RHBDD1: variants seen among roughly 807,000 people sequenced by gnomAD.
RHBDD1 encodes the protein rhomboid-related protein 4.
RHBDD1 carries 38 observed loss-of-function variants against 36.3 expected under a neutral mutation model. The ratio of observed to expected loss-of-function variants is 1.05; its 90% confidence interval spans 0.81 to 1.37. The LOEUF (loss-of-function observed/expected upper bound fraction) is 1.37. Among genes scored for constraint, RHBDD1 ranks in the 40% most tolerant of loss-of-function variants. The pLI is 0.00. For missense variants in RHBDD1, 393 were observed against 377.6 expected (o/e 1.04, Z -0.34); for synonymous variants, 151 against 136.5 (o/e 1.11, Z -0.74).
chr2:226,897,727 T>C (rs1236452668), intron 5 of RHBDD1, among the ~76,000 whole-genome samples: 2 of 152,084 alleles, frequency 1.3e-5, no homozygotes, highest in Non-Finnish European at 2.9e-5. Context: ...ATCCCAGCGC[T>C]TTGGGAGGCC....
At chr2:226,839,941 G>T (rs902548996) in intron 3 of RHBDD1, among the ~76,000 whole-genome samples, 5 of 152,070 alleles carry the variant, frequency 3.3e-5, no homozygotes, top group African/African-American at 1.2e-4. Context: ...TGTGTTTATA[G>T]CCCTATCATT....
chr2:226,838,861 G>C lies in RHBDD1; in HGVS notation c.-309-548G>C, dbSNP rs1292382327. On this transcript the variant is annotated intron_variant, in intron 2 of 8. Transcript: ENST00000392062. Reference sequence around the variant, plus strand: ...TATCACTGTAACAGAGCAACTTGTAGAAATTGTTTTGGATGTTTACAGCAA... The same window carrying C: ...TATCACTGTAACAGAGCAACTTGTACAAATTGTTTTGGATGTTTACAGCAA... Among the ~76,000 whole-genome samples the C allele has an allele frequency of 2.0e-5, 3 of 152,148 alleles. No individual in the cohort carries two copies. The East Asian group carries it at 5.8e-4, about 29-fold the overall frequency.
chr2:226,982,804 G>A (rs537790023), intron 8 of RHBDD1, among the ~76,000 whole-genome samples: 2 of 152,262 alleles, frequency 1.3e-5, no homozygotes, highest in East Asian at 3.9e-4. Context: ...TATGTACCAG[G>A]CACCAGGGAT....
intron 8 of RHBDD1, among the ~76,000 whole-genome samples, chr2:226,946,756 C>G (rs1163216191): frequency 2.0e-5 from 3 of 152,126 alleles, no homozygotes; most frequent in Admixed American, 6.6e-5. Flanking sequence ...GGATAAATTC[C>G]TGGACACAGG....
In RHBDD1 at chr2:226,996,895, CAG is replaced by C. The variant is rs780303625; in HGVS notation, c.*1375_*1376del. 2.0e-5 allele frequency: 3 copies of C among 152,094 alleles called. No homozygotes were observed. Among genetic ancestry groups the C allele is most frequent in the Admixed American group, 6.6e-5 (1 of 15,258 alleles). 9.4% of individuals were successfully genotyped at this position (152,094 alleles called of 1,614,324 possible). On this transcript the variant is annotated 3_prime_UTR_variant, in exon 9 of 9. Transcript: ENST00000392062. ...CCATTGAGAAAATTCACAATATAAACAGAAATACAAATAAATACATACACAAT... is the reference window on the plus strand; with the variant it reads ...CCATTGAGAAAATTCACAATATAAACAAATACAAATAAATACATACACAAT...
intron 3 of RHBDD1, among the ~76,000 whole-genome samples, chr2:226,850,064 T>A (rs1466413667): frequency 1.3e-5 from 2 of 152,204 alleles, no homozygotes; most frequent in African/African-American, 4.8e-5. Context: ...TGCACAATAA[T>A]AATATCAACA....
At position 226,864,793 on chromosome 2, in the gene RHBDD1, A is replaced by C. The variant is rs201451974; in HGVS notation, c.100A>C (p.Thr34Pro). Residue 34 changes from threonine (T) to proline (P), a missense_variant, in exon 4 of 9, where the codon ACT becomes CCT. By Grantham distance (38) the Thr-to-Pro change is conservative (BLOSUM62 -1). Coordinates refer to ENST00000392062, the MANE Select transcript of RHBDD1 (RefSeq NM_001167608.3). Reference protein sequence around the residue: ...INNIPPVTLATLALNIWFFLN... With the variant: ...INNIPPVTLAPLALNIWFFLN... ...CAATATTCCACCTGTCACCCTAGCA[A>C]CTTTGGCCCTCAACATCTGGTTCTT... 2 of 1,614,180 alleles carry C rather than the reference A, an allele frequency of 1.2e-6. No individual in the cohort carries two copies. Among genetic ancestry groups the C allele is most frequent in the African/African-American group, 1.3e-5 (1 of 75,030 alleles).
At chr2:226,967,004 G>A (rs1952688723) in intron 8 of RHBDD1, among the ~76,000 whole-genome samples, 1 of 152,044 alleles carries the variant, frequency 6.6e-6, no homozygotes, top group South Asian at 2.1e-4. Context: ...CCATTGCTGG[G>A]TCCCACTCTC....
At chr2:226,850,666 T>C (rs867560991) in intron 3 of RHBDD1, among the ~76,000 whole-genome samples, 2 of 152,272 alleles carry the variant, frequency 1.3e-5, no homozygotes, top group Middle Eastern at 6.8e-3. Context: ...TTCCAGAAGT[T>C]CTAATCCATA....
intron 5 of RHBDD1, among the ~76,000 whole-genome samples, chr2:226,899,323 A>G (rs1401492153): frequency 6.6e-6 from 1 of 152,226 alleles, no homozygotes; most frequent in African/African-American, 2.4e-5. Context: ...TTGCCTTTCT[A>G]CTATCACTAT....
At chr2:226,954,352 C>G (rs999960000) in intron 8 of RHBDD1, among the ~76,000 whole-genome samples, 1 of 151,942 alleles carries the variant, frequency 6.6e-6, no homozygotes, top group Non-Finnish European at 1.5e-5. Flanking sequence ...TGTGGAGTAC[C>G]TACTATGATC....
At chr2:226,866,311 T>C (rs1944335087) in intron 4 of RHBDD1, among the ~76,000 whole-genome samples, 1 of 152,198 alleles carries the variant, frequency 6.6e-6, no homozygotes, top group Non-Finnish European at 1.5e-5. Context: ...ACCTTGTGAT[T>C]CACCCACCTT....
At chr2:226,930,952 C>T (rs1474204565) in intron 8 of RHBDD1, among the ~76,000 whole-genome samples, 1 of 151,934 alleles carries the variant, frequency 6.6e-6, no homozygotes, top group African/African-American at 2.4e-5. Context: ...CTACCTTACC[C>T]CAACTGGAGT....
At chr2:226,806,416 T>C in the RHBDD1 span, among the ~76,000 whole-genome samples, 1 of 152,190 alleles carries the variant, frequency 6.6e-6, no homozygotes, top group Non-Finnish European at 1.5e-5. Context: ...CCTCCATGAG[T>C]TTTATGTATG....
intron 8 of RHBDD1, among the ~76,000 whole-genome samples, chr2:226,963,593 C>G (rs1952390894): frequency 6.6e-6 from 1 of 152,096 alleles, no homozygotes; most frequent in Non-Finnish European, 1.5e-5. Context: ...TTGCTCTTCT[C>G]CCTCCACTGC....
At chr2:226,931,534 A>G (rs1484893847) in intron 8 of RHBDD1, among the ~76,000 whole-genome samples, 1 of 152,058 alleles carries the variant, frequency 6.6e-6, no homozygotes, top group African/African-American at 2.4e-5. Flanking sequence ...AAGCCTACAT[A>G]TTGGATACAA....
At chr2:226,870,649 C>T (rs1292760613) in intron 5 of RHBDD1, among the ~76,000 whole-genome samples, 1 of 152,172 alleles carries the variant, frequency 6.6e-6, no homozygotes, top group Non-Finnish European at 1.5e-5. Flanking sequence ...ACTTAACTAT[C>T]AATAGCCTAC....
At chr2:226,869,204 G>A (rs1047504642) in intron 5 of RHBDD1, 16 of 984,168 alleles carry the variant, frequency 1.6e-5, no homozygotes, top group Admixed American at 1.2e-4. Context: ...CATATTCTTT[G>A]TGGAGGCACC....
At chr2:226,994,670 A>G (rs1959017412) in intron 8 of RHBDD1, among the ~76,000 whole-genome samples, 1 of 152,068 alleles carries the variant, frequency 6.6e-6, no homozygotes, top group Non-Finnish European at 1.5e-5. Context: ...CTCTTTCATT[A>G]CCTTTAGGTT....
Sources: allele counts gnomAD v4.1 joint callset (sites outside exome capture counted in the v4.1 genomes callset), GRCh38; gene constraint gnomAD v4.1.1; transcripts MANE v1.5; gene names NCBI Gene and HGNC (gene_info 2026-07-23, HGNC 2026-07-21).